NLK: variants seen among roughly 807,000 people sequenced by gnomAD.
The protein encoded by NLK is serine/threonine-protein kinase NLK.
A neutral mutation model predicts 59.0 loss-of-function variants in NLK; 11 were observed. That is an observed-to-expected ratio of 0.19 (90% CI 0.12 to 0.31). The LOEUF is 0.31. Among genes scored for constraint, NLK ranks in the 10% least tolerant of loss-of-function variants. NLK has a pLI of 1.00. For synonymous variants in NLK, 235 were observed against 235.9 expected (o/e 1.00, Z 0.03); for missense variants, 410 against 661.1 (o/e 0.62, Z 4.16).
chr17:28,044,496 TA>T (rs975947089), intron 1 of NLK, among the ~76,000 whole-genome samples: 3 of 152,208 alleles, frequency 2.0e-5, no homozygotes, highest in African/African-American at 4.8e-5. Context: ...ATCCATTTTT[TA>T]AAAAAACTAG....
intron 1 of NLK, among the ~76,000 whole-genome samples, chr17:28,111,896 G>GGGGTGT (rs1905520867): frequency 1.5e-5 from 1 of 67,484 alleles, no homozygotes. Context: ...GTGTGTGTGT[G>GGGGTGT]GTGTGTGTGT....
intron 10 of NLK, among the ~76,000 whole-genome samples, chr17:28,193,568 T>G (rs1368150034): frequency 6.6e-6 from 1 of 152,208 alleles, no homozygotes; most frequent in African/African-American, 2.4e-5. Context: ...AGGGGAACCA[T>G]GAACAGGGTC....
At chr17:28,155,997 A>G (rs1907694213) in intron 3 of NLK, among the ~76,000 whole-genome samples, 1 of 152,202 alleles carries the variant, frequency 6.6e-6, no homozygotes, top group Non-Finnish European at 1.5e-5. Context: ...AGTTTCATCA[A>G]AATGTTCTAA....
At position 28,191,165 on chromosome 17, in the gene NLK, C is replaced by A; in HGVS notation, c.1381C>A (p.Pro461Thr). 1.2e-6 allele frequency: 2 copies of A among 1,613,362 alleles called. No homozygotes were observed. Among genetic ancestry groups the A allele is most frequent in the African/African-American group, 2.7e-5 (2 of 75,008 alleles). Reference sequence around the variant, plus strand: ...CAGTGACTTTGAGCCTGTCACCAATCCCAAATTTGATGACACTTTCGAGAA... The same window carrying A: ...CAGTGACTTTGAGCCTGTCACCAATACCAAATTTGATGACACTTTCGAGAA... ...YTSDFEPVTN[P>T]KFDDTFEKNL... The change falls in exon 9 of 11, where the codon CCC becomes ACC. Residue 461 changes from proline (P) to threonine (T), a missense_variant. Physicochemically the swap from Pro to Thr is conservative, Grantham distance 38. This residue lies in a region of NLK where 150 missense variants were observed against 244.3 expected (regional missense o/e 0.61). Coordinates refer to ENST00000407008, the MANE Select transcript of NLK (RefSeq NM_016231.5).
intron 3 of NLK, among the ~76,000 whole-genome samples, chr17:28,150,112 C>T (rs976176836): frequency 2.6e-5 from 4 of 152,066 alleles, no homozygotes; most frequent in Admixed American, 6.6e-5. Flanking sequence ...TGTGGAGCAG[C>T]GTAACCTCTC....
intron 1 of NLK, among the ~76,000 whole-genome samples, chr17:28,113,945 C>T (rs1260416565): frequency 6.6e-6 from 1 of 152,062 alleles, no homozygotes; most frequent in Admixed American, 6.5e-5. Context: ...TATAGTTTAA[C>T]TTTGCCTTTT....
At chr17:28,048,668 A>G (rs1909144690) in intron 1 of NLK, 1 of 152,220 alleles carries the variant, frequency 6.6e-6, no homozygotes, top group East Asian at 1.9e-4. Flanking sequence ...CTAATGGAGT[A>G]CTGGAATGTT....
At chr17:28,183,191 A>C (rs79470959) in intron 7 of NLK, among the ~76,000 whole-genome samples, 7,990 of 152,276 alleles carry the variant, frequency 0.052, 252 homozygotes, top group Middle Eastern at 0.092. Flanking sequence ...GAAAAAGAAG[A>C]AGCAGCAGCA....
At chr17:28,115,454 A>G (rs1905724091) in intron 1 of NLK, among the ~76,000 whole-genome samples, 1 of 152,204 alleles carries the variant, frequency 6.6e-6, no homozygotes, top group Non-Finnish European at 1.5e-5. Context: ...TGGTAAGTCA[A>G]GTGTTCATAT....
At chr17:28,051,950 C>T (rs1909270835) in intron 1 of NLK, among the ~76,000 whole-genome samples, 1 of 152,068 alleles carries the variant, frequency 6.6e-6, no homozygotes, top group South Asian at 2.1e-4. Flanking sequence ...ATAAATGTCA[C>T]CCTGTTCCAG....
chr17:28,119,975 G>C (rs1905954231), intron 1 of NLK, among the ~76,000 whole-genome samples: 1 of 152,190 alleles, frequency 6.6e-6, no homozygotes, highest in Admixed American at 6.5e-5. Context: ...ACAAATGGCA[G>C]TCATGAAAGA....
chr17:28,088,206 A>G (rs1245383479), intron 1 of NLK, among the ~76,000 whole-genome samples: 1 of 151,948 alleles, frequency 6.6e-6, no homozygotes, highest in Non-Finnish European at 1.5e-5. Context: ...TTGTTTTTTG[A>G]TGGGTGGCTA....
intron 4 of NLK, among the ~76,000 whole-genome samples, chr17:28,162,280 G>T (rs1002967093): frequency 2.0e-5 from 3 of 152,064 alleles, no homozygotes; most frequent in Non-Finnish European, 4.4e-5. Flanking sequence ...CTCCCAAAGT[G>T]CTGGGATTAC....
At chr17:28,150,864 G>A (rs1020269322) in intron 3 of NLK, among the ~76,000 whole-genome samples, 8 of 152,126 alleles carry the variant, frequency 5.3e-5, no homozygotes, top group African/African-American at 1.9e-4. Flanking sequence ...AGGAGAGATG[G>A]TTAATCTGCT....
At chr17:28,062,993 C>T (rs1328179708) in intron 1 of NLK, among the ~76,000 whole-genome samples, 10 of 152,120 alleles carry the variant, frequency 6.6e-5, no homozygotes, top group South Asian at 2.1e-4. Flanking sequence ...TGCAGTGGCA[C>T]GATCGTGGCT....
chr17:28,147,163 T>C (rs1481526922), intron 3 of NLK, among the ~76,000 whole-genome samples: 1 of 152,176 alleles, frequency 6.6e-6, no homozygotes, highest in Non-Finnish European at 1.5e-5. Flanking sequence ...ACATGTTCTC[T>C]ACACCCACTT....
intron 3 of NLK, among the ~76,000 whole-genome samples, chr17:28,136,950 C>CAAA (rs67290939): frequency 6.2e-5 from 5 of 80,662 alleles, no homozygotes; most frequent in East Asian, 4.5e-4. Context: ...GTAGCCAAAG[C>CAAA]AAAAAAAAAA....
Position 28,042,861 on chromosome 17 carries a change from G to A in NLK, c.-13G>A. On this transcript the variant is annotated 5_prime_UTR_variant, in exon 1 of 11. Transcript: ENST00000407008. ...ACCCAGTTTGCTTTCCAATCAAAGGGCATTTATTTTGAATGTCTCTTTGTG... is the reference window on the plus strand; with the variant it reads ...ACCCAGTTTGCTTTCCAATCAAAGGACATTTATTTTGAATGTCTCTTTGTG... 1 of 1,480,258 alleles carries A rather than the reference G, an allele frequency of 6.8e-7. No individual in the cohort carries two copies. Among genetic ancestry groups the A allele is most frequent in the East Asian group, 2.5e-5 (1 of 39,982 alleles). 91.7% of individuals were successfully genotyped at this position (1,480,258 alleles called of 1,614,324 possible).
intron 1 of NLK, among the ~76,000 whole-genome samples, chr17:28,085,633 G>A (rs573898404): frequency 2.6e-5 from 4 of 152,178 alleles, no homozygotes; most frequent in Admixed American, 6.5e-5. Context: ...CCAGCTACTC[G>A]GAAAGGCTGA....
Sources: gnomAD v4.1 joint callset for allele counts (sites outside exome capture counted in the v4.1 genomes callset) on GRCh38, gnomAD v4.1.1 for gene constraint, gnomAD v4.1.1 regional missense constraint, MANE v1.5 for transcripts, NCBI Gene and HGNC (gene_info 2026-07-23, HGNC 2026-07-21) for gene names.